PFKP: variants seen among roughly 807,000 people sequenced by gnomAD.
The protein encoded by PFKP is ATP-dependent 6-phosphofructokinase, platelet type.
Under a neutral mutation model 94.3 loss-of-function variants are expected in PFKP, and 101 were observed. The observed-to-expected ratio is 1.07, with a 90% confidence interval of 0.91 to 1.26. The LOEUF is 1.26. Ranked by LOEUF, PFKP falls within the 50% of genes most tolerant of loss-of-function variation. The probability of loss-of-function intolerance (pLI) is 0.00; values close to 1 mark genes in which losing one functional copy is unlikely to be tolerated. For synonymous variants in PFKP, 573 were observed against 432.6 expected, an observed-to-expected ratio of 1.32 and a Z score of -4.03; for missense variants, 1,145 against 1,103.3, an observed-to-expected ratio of 1.04 and a Z score of -0.53.
intron 1 of PFKP, among the ~76,000 whole-genome samples, chr10:3,073,992 C>T (rs751470063): frequency 6.6e-6 from 1 of 152,186 alleles, no homozygotes; most frequent in Non-Finnish European, 1.5e-5. Context: ...CATGCGCCAC[C>T]ATGCTCACCT....
rs755994295 is a variant in PFKP at position 3,101,016 on chromosome 10, T to A, written c.265-349T>A. ...TGCTCTGGTGGTCAGTGGGCTTGTC[T>A]TTGGTTCCACGTGCACCTGGTTGAG... is the stretch of plus-strand genomic sequence containing the variant. On this transcript the variant is annotated intron_variant, in intron 3 of 21. Coordinates refer to ENST00000381125, the MANE Select transcript of PFKP (RefSeq NM_002627.5). The A allele has an allele frequency of 3.1e-6, 5 of 1,605,478 alleles. No individual in the cohort carries two copies. In the South Asian group the frequency reaches 4.4e-5, roughly 14 times the overall value.
intron 20 of PFKP, among the ~76,000 whole-genome samples, 153 bp from the exon 21 acceptor site, chr10:3,135,570 GCCAGGTGCTGGCC>G (rs1441298498): frequency 6.6e-6 from 1 of 152,238 alleles, no homozygotes; most frequent in Non-Finnish European, 1.5e-5. Context: ...GCTGCACGAG[GCCAGGTGCTGGCC>G]CCACTGCGCG....
intron 10 of PFKP, among the ~76,000 whole-genome samples, chr10:3,111,073 A>G (rs1836181606): frequency 6.8e-6 from 1 of 147,890 alleles, no homozygotes; most frequent in South Asian, 2.2e-4. Flanking sequence ...TGTGTGAGGT[A>G]ATGCATCTGC....
rs1835870517 is a variant in PFKP, at chr10:3,108,699, A to T, written c.871-2A>T. The stretch of plus-strand genomic sequence containing the variant: ...GCATCCTAACGAGATGTTTCCTTGC[A>T]GCTTGTCGTCACGCAGCTGGGCTAT... On this transcript the variant is annotated splice_acceptor_variant, in intron 8 of 21. Transcript: ENST00000381125. LOFTEE classifies it high-confidence loss of function. 6.2e-7 allele frequency: 1 copy of T among 1,612,404 alleles called. No homozygotes were observed. The highest frequency in any genetic ancestry group is 8.5e-7 in the Non-Finnish European group (1 of 1,178,604).
rs149064870 is a variant in PFKP, at chr10:3,087,011, C to T, written c.186+4550C>T. Among the ~76,000 whole-genome samples the T allele has an allele frequency of 8.5e-3, 1,289 of 151,162 alleles. 6 individuals are homozygous for T. The highest frequency in any genetic ancestry group is 0.037 in the Middle Eastern group (10 of 272). The stretch of plus-strand genomic sequence containing the variant: ...TTTGAGACAGAGTCTTGCCCTGTGT[C>T]GCCCAGGCTGGAGTGCAGTGGTGTG... On this transcript the variant is annotated intron_variant, in intron 2 of 21. Transcript: ENST00000381125.
intron 1 of PFKP, among the ~76,000 whole-genome samples, chr10:3,078,220 C>T (rs997881313): frequency 2.0e-5 from 3 of 152,228 alleles, no homozygotes; most frequent in Admixed American, 1.3e-4. Flanking sequence ...CAAAAGCCCA[C>T]GTTGCGGGCT....
At chr10:3,134,455 T>C (rs750438731) in intron 19 of PFKP, 28 bp from the exon 20 acceptor site, 13 of 1,241,616 alleles carry the variant, frequency 1.0e-5, no homozygotes, top group Admixed American at 1.7e-5. Context: ...GTATAACTGG[T>C]ATTTCATATA....
intron 7 of PFKP, 87 bp from the exon 8 acceptor site, chr10:3,107,127 G>A: frequency 1.2e-6 from 1 of 832,834 alleles, no homozygotes; most frequent in Non-Finnish European, 2.0e-6. Context: ...GGCCAGTTCA[G>A]TTTGAGACAG....
intron 1 of PFKP, among the ~76,000 whole-genome samples, chr10:3,073,369 A>T (rs933676232): frequency 6.6e-6 from 1 of 151,496 alleles, no homozygotes; most frequent in Non-Finnish European, 1.5e-5. Context: ...CTGTGCTGGG[A>T]CCCCCAACCC....
chr10:3,115,789 C>T (rs536275584), intron 13 of PFKP, among the ~76,000 whole-genome samples: 9 of 152,218 alleles, frequency 5.9e-5, no homozygotes, highest in South Asian at 4.1e-4. Flanking sequence ...TTCCTCAGGG[C>T]GCCATTGTTA....
intron 2 of PFKP, among the ~76,000 whole-genome samples, chr10:3,093,813 T>G (rs1438574649): frequency 2.0e-5 from 3 of 151,940 alleles, no homozygotes; most frequent in African/African-American, 4.8e-5. Context: ...CCGGCTAATT[T>G]TTTGTATTTT....
chr10:3,117,132 C>T (rs565126535), intron 14 of PFKP, among the ~76,000 whole-genome samples: 2 of 152,312 alleles, frequency 1.3e-5, no homozygotes, highest in Admixed American at 1.3e-4. Flanking sequence ...CTAAAGCCTC[C>T]ACTTGGAGGT....
intron 16 of PFKP, among the ~76,000 whole-genome samples, chr10:3,120,439 G>C (rs781004717): frequency 5.3e-5 from 8 of 151,872 alleles, no homozygotes; most frequent in Non-Finnish European, 7.4e-5. Context: ...TACCCATTAT[G>C]ATGAACCCCT....
chr10:3,125,733 CCAA>C (rs761071881), intron 16 of PFKP, among the ~76,000 whole-genome samples: 3 of 152,358 alleles, frequency 2.0e-5, no homozygotes, highest in Non-Finnish European at 4.4e-5. Context: ...GGCGGTTTCA[CCAA>C]CATGTGCCTT....
Position 3,129,805 on chromosome 10 carries a change from T to TGA in PFKP, c.1684-14_1684-13insGA. 1 of 1,612,992 alleles carries TGA rather than the reference T, an allele frequency of 6.2e-7. No individual in the cohort carries two copies. The highest frequency in any genetic ancestry group is 8.5e-7 in the Non-Finnish European group (1 of 1,179,812). On this transcript the variant is annotated splice_polypyrimidine_tract_variant and intron_variant, in intron 16 of 21. Coordinates refer to ENST00000381125, the MANE Select transcript of PFKP (RefSeq NM_002627.5). Reference sequence around the variant, plus strand: ...GGCCTGGGCTGGAGTGACTGATCGCTTCTCTGTGACCAGACCTGCGACCGC... The same window carrying TGA: ...GGCCTGGGCTGGAGTGACTGATCGCTGATCTCTGTGACCAGACCTGCGACCGC...
intron 14 of PFKP, among the ~76,000 whole-genome samples, chr10:3,118,424 C>A (rs9423461): frequency 6.6e-6 from 1 of 151,874 alleles, no homozygotes. Flanking sequence ...GCTGAGATTA[C>A]GCCACTACAC....
At chr10:3,093,019 T>G in intron 2 of PFKP, among the ~76,000 whole-genome samples, 1 of 114,728 alleles carries the variant, frequency 8.7e-6, no homozygotes, top group Non-Finnish European at 1.8e-5. Context: ...TCCTGGGATG[T>G]GTGGAAGGGG....
intron 1 of PFKP, among the ~76,000 whole-genome samples, chr10:3,071,179 G>A (rs1291064413): frequency 6.6e-6 from 1 of 152,084 alleles, no homozygotes; most frequent in Non-Finnish European, 1.5e-5. Context: ...GCTTTGTTAG[G>A]GGAACGGAAA....
At chr10:3,113,081 AT>A in intron 11 of PFKP, 37 bp from the exon 12 acceptor site, 2 of 1,587,696 alleles carry the variant, frequency 1.3e-6, no homozygotes, top group African/African-American at 2.7e-5. Flanking sequence ...TGTGTCCGGT[AT>A]TCTCGACTCC....
Sources: allele counts gnomAD v4.1 joint callset (sites outside exome capture counted in the v4.1 genomes callset), GRCh38; gene constraint gnomAD v4.1.1; transcripts MANE v1.5; gene names NCBI Gene and HGNC (gene_info 2026-07-23, HGNC 2026-07-21).